LDAH: variants seen among roughly 807,000 people sequenced by gnomAD.
LDAH encodes the protein lipid droplet-associated hydrolase.
A neutral mutation model predicts 29.6 loss-of-function variants in LDAH; 26 were observed. The observed-to-expected ratio is 0.88, with a 90% CI of 0.64 to 1.22. The LOEUF (loss-of-function observed/expected upper bound fraction) is 1.22, where lower values mean the gene tolerates loss of function less well. LDAH is among the 50% of genes most tolerant of loss of function. The pLI is 0.00. For synonymous variants in LDAH, 117 were observed against 133.0 expected, an observed-to-expected ratio of 0.88 and a Z score of 0.83; for missense variants, 344 against 387.3, an observed-to-expected ratio of 0.89 and a Z score of 0.94.
intron 4 of LDAH, among the ~76,000 whole-genome samples, chr2:20,742,793 C>CT (rs71391767): frequency 0.033 from 3,747 of 114,352 alleles, 175 homozygotes; most frequent in African/African-American, 0.099. Flanking sequence ...TTTCTTTTTC[C>CT]TTTTTTTTTT....
rs147293110 is a variant in LDAH, at chr2:20,704,902, C to G, written c.704-3250G>C. On this transcript the variant is annotated intron_variant, in intron 5 of 6. Coordinates refer to ENST00000237822, the MANE Select transcript of LDAH (RefSeq NM_021925.4). ...TAATTCATTTATTCTGTCCCTCCCCCCACAGAGCCTTCCATTCTTTTGATC... is the reference window on the plus strand; with the variant it reads ...TAATTCATTTATTCTGTCCCTCCCCGCACAGAGCCTTCCATTCTTTTGATC... 2.0e-5 allele frequency among the ~76,000 whole-genome samples: 3 copies of G among 152,308 alleles called. No homozygotes were observed. In the East Asian group the frequency reaches 5.8e-4, roughly 29 times the overall value.
intron 5 of LDAH, among the ~76,000 whole-genome samples, chr2:20,710,696 T>C (rs985693319): frequency 6.8e-6 from 1 of 147,514 alleles, no homozygotes; most frequent in Non-Finnish European, 1.5e-5. Flanking sequence ...ATATATATTA[T>C]ACATATATAC....
intron 5 of LDAH, among the ~76,000 whole-genome samples, chr2:20,706,999 T>C (rs1205551449): frequency 2.0e-5 from 3 of 152,180 alleles, no homozygotes; most frequent in African/African-American, 7.2e-5. Context: ...GCCCCTCCCA[T>C]GACTAGCTAA....
rs139952993 is a variant in LDAH, at chr2:20,718,362, C to T, written c.704-16710G>A. On this transcript the variant is annotated intron_variant, in intron 5 of 6. Transcript: ENST00000237822. ...GGAACTTTAAAAAGAGCAGGAATAG[C>T]TATATTTATAGCACATAAAATAGAC... is the stretch of plus-strand genomic sequence containing the variant. 5.2e-3 allele frequency among the ~76,000 whole-genome samples: 784 copies of T among 151,738 alleles called. 9 individuals carry two copies. The highest frequency in any genetic ancestry group is 0.017 in the African/African-American group (690 of 41,364).
At chr2:20,772,190 C>G (rs111781486) in intron 4 of LDAH, among the ~76,000 whole-genome samples, 7,904 of 152,212 alleles carry the variant, frequency 0.052, 648 homozygotes, top group African/African-American at 0.17. Context: ...CAGAACAGAT[C>G]TGAAGCAAAC....
intron 2 of LDAH, among the ~76,000 whole-genome samples, chr2:20,799,154 G>A (rs1475360266): frequency 6.6e-6 from 1 of 152,130 alleles, no homozygotes. Context: ...TTGAACCCAG[G>A]AGGTGGAGGG....
chr2:20,694,588 A>G (rs1663289279), intron 6 of LDAH, among the ~76,000 whole-genome samples: 1 of 152,226 alleles, frequency 6.6e-6, no homozygotes, highest in African/African-American at 2.4e-5. Flanking sequence ...ACCATTCTTG[A>G]GAAAATGAGA....
intron 5 of LDAH, among the ~76,000 whole-genome samples, chr2:20,737,505 A>G (rs1416473699): frequency 6.6e-6 from 1 of 152,230 alleles, no homozygotes; most frequent in Non-Finnish European, 1.5e-5. Context: ...AGAGTTTTAC[A>G]TATATTTGCC....
chr2:20,719,709 T>C (rs866564063), intron 5 of LDAH, among the ~76,000 whole-genome samples: 5 of 151,954 alleles, frequency 3.3e-5, no homozygotes, highest in South Asian at 2.1e-4. Context: ...TGAGCATAAA[T>C]GCAAAAATCC....
intron 1 of LDAH, among the ~76,000 whole-genome samples, chr2:20,819,487 C>T (rs1572702262): frequency 6.6e-6 from 1 of 152,148 alleles, no homozygotes; most frequent in South Asian, 2.1e-4. Context: ...TAAACGTAAT[C>T]CAGCATATAA....
intron 4 of LDAH, among the ~76,000 whole-genome samples, chr2:20,744,038 C>T (rs1437808512): frequency 6.6e-6 from 1 of 151,926 alleles, no homozygotes; most frequent in Admixed American, 6.6e-5. Context: ...TACTCTCTAG[C>T]ATTTCTCTTT....
At position 20,698,138 on chromosome 2, in the gene LDAH, C is replaced by T. The variant is rs933523662; in HGVS notation, c.786+3432G>A. Among the ~76,000 whole-genome samples the T allele has an allele frequency of 3.9e-5, 6 of 152,150 alleles. No individual in the cohort carries two copies. The highest frequency in any genetic ancestry group is 5.9e-5 in the Non-Finnish European group (4 of 68,028). ...TTAGAATCCACACTCTAGTTAATGG[C>T]GTCCCCATCTATCCATCTGTCTAGC... is the stretch of plus-strand genomic sequence containing the variant. On this transcript the variant is annotated intron_variant, in intron 6 of 6. Coordinates refer to ENST00000237822, the MANE Select transcript of LDAH (RefSeq NM_021925.4). This position sits in a 1 kb window ranked among gnomAD's most constrained non-coding sequence, Gnocchi z 4.4.
intron 4 of LDAH, among the ~76,000 whole-genome samples, chr2:20,756,620 T>G (rs1428757336): frequency 6.6e-6 from 1 of 152,170 alleles, no homozygotes; most frequent in African/African-American, 2.4e-5. Flanking sequence ...AAAAGTTTAA[T>G]TAGATGAATT....
intron 3 of LDAH, among the ~76,000 whole-genome samples, chr2:20,784,863 GGC>G (rs1484613506): frequency 7.2e-5 from 11 of 151,994 alleles, no homozygotes; most frequent in African/African-American, 2.7e-4. Context: ...CTCCAGCCTG[GGC>G]GAGAGAGTGA....
chr2:20,816,016 T>C (rs760931749), intron 1 of LDAH, among the ~76,000 whole-genome samples: 4 of 152,022 alleles, frequency 2.6e-5, no homozygotes, highest in African/African-American at 4.8e-5. Flanking sequence ...AGGACCTACA[T>C]GGAAGAAAGG....
rs903150801 is a variant in LDAH at position 20,823,051 on chromosome 2, G to C, written c.-17C>G. Reference sequence around the variant, plus strand: ...CTGTACCTCACCTGTCCACCTGGAAGGCTGCCCGCTCTCCCTGAGGGTCCT... The same window carrying C: ...CTGTACCTCACCTGTCCACCTGGAACGCTGCCCGCTCTCCCTGAGGGTCCT... On this transcript the variant is annotated 5_prime_UTR_variant, in exon 1 of 7. Transcript: ENST00000237822. The C allele has an allele frequency of 2.0e-5, 3 of 152,396 alleles. No individual in the cohort carries two copies. The highest frequency in any genetic ancestry group is 7.2e-5 in the African/African-American group (3 of 41,452). The allele number at this position is 152,396 out of a possible 1,614,324, so 9.4% of individuals were successfully genotyped here.
chr2:20,765,893 G>A lies in LDAH; in HGVS notation c.468+8917C>T, dbSNP rs201748746. On this transcript the variant is annotated intron_variant, in intron 4 of 6. Coordinates refer to ENST00000237822, the MANE Select transcript of LDAH (RefSeq NM_021925.4). Reference sequence around the variant, plus strand: ...CTTCCACTGTATCTTATTGGTGAAAGTAAGTCACATGCTTGGCCTAAATTT... The same window carrying A: ...CTTCCACTGTATCTTATTGGTGAAAATAAGTCACATGCTTGGCCTAAATTT... 1.4e-4 allele frequency among the ~76,000 whole-genome samples: 22 copies of A among 152,258 alleles called. No individual in the cohort carries two copies. The East Asian group carries it at 2.9e-3, about 20-fold the overall frequency.
Position 20,689,181 on chromosome 2 carries a change from T to A in LDAH, c.787-2087A>T, listed in dbSNP as rs371601160. Among the ~76,000 whole-genome samples the A allele has an allele frequency of 3.9e-5, 6 of 152,144 alleles. No individual in the cohort carries two copies. In the South Asian group the frequency reaches 6.2e-4, roughly 16 times the overall value. ...AAGGACATGAACTCATCCTTTTTTA[T>A]GACTGCATAGTATTCCAGCTTCATG... is the stretch of plus-strand genomic sequence containing the variant. On this transcript the variant is annotated intron_variant, in intron 6 of 6. Coordinates refer to ENST00000237822, the MANE Select transcript of LDAH (RefSeq NM_021925.4).
At chr2:20,802,267 C>T (rs2125110972) in intron 1 of LDAH, among the ~76,000 whole-genome samples, 1 of 152,090 alleles carries the variant, frequency 6.6e-6, no homozygotes, top group East Asian at 1.9e-4. Flanking sequence ...GCCATGTTGG[C>T]CAGGCCGGTC....
Sources: allele counts gnomAD v4.1 joint callset (sites outside exome capture counted in the v4.1 genomes callset), GRCh38; gene constraint gnomAD v4.1.1; non-coding constraint Gnocchi (gnomAD v3.1); transcripts MANE v1.5; gene names NCBI Gene and HGNC (gene_info 2026-07-23, HGNC 2026-07-21).